The following PCNX2 variants were observed in gnomAD, a reference collection of about 807,000 sequenced individuals.
PCNX2 encodes the protein pecanex 2, also known as pecanex-like protein 2.
In PCNX2, 168 loss-of-function variants were observed where a neutral mutation model predicts 223.8. The observed-to-expected ratio is 0.75, with a 90% CI of 0.66 to 0.85. PCNX2 has a LOEUF of 0.85. PCNX2 is among the 40% of genes least tolerant of loss of function. The pLI is 0.00. For missense variants in PCNX2, 2,507 were observed against 2,675.5 expected, an observed-to-expected ratio of 0.94 and a Z score of 1.39; for synonymous variants, 1,006 against 1,052.6, an observed-to-expected ratio of 0.96 and a Z score of 0.86.
intron 25 of PCNX2, among the ~76,000 whole-genome samples, chr1:233,043,845 G>C (rs1671732130): frequency 1.3e-5 from 2 of 150,868 alleles, no homozygotes; most frequent in South Asian, 4.2e-4. Flanking sequence ...CTTTGCTATT[G>C]TGAATAGTGC....
At chr1:233,072,904 A>G (rs1199805423) in intron 23 of PCNX2, among the ~76,000 whole-genome samples, 1 of 152,198 alleles carries the variant, frequency 6.6e-6, no homozygotes, top group Non-Finnish European at 1.5e-5. Flanking sequence ...AGAATGAGTT[A>G]GGAATCGTTC....
chr1:233,065,596 A>G (rs1259529312), intron 23 of PCNX2: 1 of 152,052 alleles, frequency 6.6e-6, no homozygotes, highest in Non-Finnish European at 1.5e-5. Flanking sequence ...GCATCATGGG[A>G]TCCAAGGAAA....
chr1:233,185,119 ACACAC>A (rs2102868825), intron 15 of PCNX2, among the ~76,000 whole-genome samples: 1 of 147,186 alleles, frequency 6.8e-6, no homozygotes, highest in African/African-American at 2.7e-5. Flanking sequence ...ACACACACAC[ACACAC>A]ACACACATCC....
chr1:233,034,730 C>G (rs73103491), intron 25 of PCNX2, among the ~76,000 whole-genome samples: 11,992 of 152,112 alleles, frequency 0.079, 1,205 homozygotes, highest in African/African-American at 0.24. Context: ...AAAATCAAAC[C>G]AAAATATTCC....
upstream of PCNX2, among the ~76,000 whole-genome samples, chr1:233,297,585 C>T (rs547811631): frequency 1.3e-5 from 2 of 152,124 alleles, no homozygotes; most frequent in African/African-American, 4.8e-5. Context: ...AATAGTTCTC[C>T]AGGCACATGT....
At chr1:233,201,149 T>C (rs1681086753) in intron 13 of PCNX2, among the ~76,000 whole-genome samples, 1 of 148,198 alleles carries the variant, frequency 6.7e-6, no homozygotes, top group East Asian at 2.0e-4. Flanking sequence ...AAATTCACTA[T>C]GGAACAAAGT....
chr1:233,163,048 CATGAGTATCCCGTGTAA>C (rs1678585555), intron 17 of PCNX2, among the ~76,000 whole-genome samples: 1 of 152,128 alleles, frequency 6.6e-6, no homozygotes, highest in Admixed American at 6.5e-5. Context: ...CTATCAGTGT[CATGAGTATCCCGTGTAA>C]ATACAGACCA....
chr1:233,042,119 G>T lies in PCNX2; in HGVS notation c.4351+12149C>A, dbSNP rs140698590. On this transcript the variant is annotated intron_variant, in intron 25 of 33. Transcript: ENST00000258229. ...AAATTCAAAATCCAAAACACTTCTG[G>T]TCCCAAGTATTTCAAATAAAGAATA... Among the ~76,000 whole-genome samples the T allele has an allele frequency of 1.8e-4, 27 of 152,198 alleles. 1 individual carries two copies. The East Asian group carries it at 5.0e-3, about 28-fold the overall frequency.
chr1:233,118,507 A>AAT (rs1675561076), intron 21 of PCNX2, among the ~76,000 whole-genome samples: 1 of 151,790 alleles, frequency 6.6e-6, no homozygotes, highest in African/African-American at 2.4e-5. Context: ...AAAAAAAAAA[A>AAT]AAAACCCTCC....
intron 26 of PCNX2, among the ~76,000 whole-genome samples, chr1:233,019,533 T>C (rs1670800617): frequency 6.6e-6 from 1 of 152,018 alleles, no homozygotes; most frequent in South Asian, 2.1e-4. Context: ...AATGAGACAA[T>C]CTATATGAGG....
chr1:233,071,167 AT>A lies in PCNX2; in HGVS notation c.4077-13878del, dbSNP rs1400411160. Among the ~76,000 whole-genome samples the A allele has an allele frequency of 5.3e-5, 8 of 152,282 alleles. No homozygotes were observed. In the East Asian group the frequency reaches 1.3e-3, roughly 26 times the overall value. ...CACTTTAGCTGCTCTTAATCTCTTT[AT>A]TTTTTATCTTTTAAGTTCAGGGGTA... On this transcript the variant is annotated intron_variant, in intron 23 of 33. Transcript: ENST00000258229.
chr1:233,282,198 C>CT lies in PCNX2; in HGVS notation c.153+13127dup, dbSNP rs534543216. 2.6e-5 allele frequency among the ~76,000 whole-genome samples: 4 copies of CT among 152,264 alleles called. No homozygotes were observed. The East Asian group carries it at 7.7e-4, about 29-fold the overall frequency. ...ATGGAAATGCTCTCCTTGCTCTTCC[C>CT]TTGTCTCCCGACGCCTCCTCTTTGC... is the stretch of plus-strand genomic sequence containing the variant. On this transcript the variant is annotated intron_variant, in intron 1 of 33. Coordinates refer to ENST00000258229, the MANE Select transcript of PCNX2 (RefSeq NM_014801.4).
chr1:233,198,259 G>A (rs1197979797), intron 15 of PCNX2, among the ~76,000 whole-genome samples: 1 of 152,124 alleles, frequency 6.6e-6, no homozygotes, highest in Non-Finnish European at 1.5e-5. Flanking sequence ...ATGGAAGACA[G>A]GATTTGGAAC....
At chr1:233,155,179 C>A (rs55701704) in intron 19 of PCNX2, among the ~76,000 whole-genome samples, 10,065 of 151,974 alleles carry the variant, frequency 0.066, 943 homozygotes, top group African/African-American at 0.21. Context: ...CAGCCTCTAA[C>A]TCCTGGGCTC....
rs1206857240 is a variant in PCNX2, at chr1:233,252,508, ATATAAAAGT to A, written c.1983-18_1983-10del. The A allele has an allele frequency of 3.1e-6, 5 of 1,591,004 alleles. No individual in the cohort carries two copies. Among genetic ancestry groups the A allele is most frequent in the Admixed American group, 1.8e-5 (1 of 56,756 alleles). On this transcript the variant is annotated splice_polypyrimidine_tract_variant and intron_variant, in intron 6 of 33. Transcript: ENST00000258229. ...GTCTATTGCCCTGAAAACTTAACAC[ATATAAAAGT>A]TTCAAAAAAAATGATTAGAAGTTCC...
At chr1:233,123,066 G>A (rs1255985651) in intron 21 of PCNX2, among the ~76,000 whole-genome samples, 5 of 152,064 alleles carry the variant, frequency 3.3e-5, no homozygotes, top group African/African-American at 1.2e-4. Context: ...ATTCTGAATG[G>A]GATCCTCCAT....
chr1:233,079,371 A>G (rs1262395823), intron 23 of PCNX2, among the ~76,000 whole-genome samples: 1 of 151,982 alleles, frequency 6.6e-6, no homozygotes, highest in Non-Finnish European at 1.5e-5. Flanking sequence ...TAAAAATACA[A>G]AACATTAGTA....
intron 17 of PCNX2, chr1:233,167,942 T>C (rs1678898573): frequency 6.4e-6 from 4 of 628,524 alleles, no homozygotes; most frequent in African/African-American, 2.0e-5. Context: ...AGTTTTGTAA[T>C]ATAAAAAGAG....
intron 32 of PCNX2, among the ~76,000 whole-genome samples, chr1:232,986,903 A>G (rs765335249): frequency 6.6e-6 from 1 of 152,232 alleles, no homozygotes; most frequent in Non-Finnish European, 1.5e-5. Flanking sequence ...GAACCAGGAC[A>G]ATGCCAGCAG....
Sources: allele counts gnomAD v4.1 joint callset (sites outside exome capture counted in the v4.1 genomes callset), GRCh38; gene constraint gnomAD v4.1.1; transcripts MANE v1.5; gene names NCBI Gene and HGNC (gene_info 2026-07-23, HGNC 2026-07-21).